SPTLC3: variants seen among roughly 807,000 people sequenced by gnomAD.
The protein encoded by SPTLC3 is serine palmitoyltransferase 3.
Under a neutral mutation model 59.3 loss-of-function variants are expected in SPTLC3, and 36 were observed. The ratio of observed to expected loss-of-function variants is 0.61; its 90% CI spans 0.47 to 0.80. SPTLC3 has a LOEUF of 0.80. Ranked by LOEUF, SPTLC3 falls within the 30% of genes least tolerant of loss-of-function variation. The probability of loss-of-function intolerance (pLI) is 0.00; values close to 1 mark genes in which losing one functional copy is unlikely to be tolerated. For synonymous variants in SPTLC3, 257 were observed against 240.8 expected (o/e 1.07, Z -0.62); for missense variants, 625 against 685.1 (o/e 0.91, Z 0.98).
chr20:13,139,825 G>A (rs568274775), intron 9 of SPTLC3, among the ~76,000 whole-genome samples: 10 of 152,086 alleles, frequency 6.6e-5, no homozygotes, highest in South Asian at 6.2e-4. Context: ...CTCTTGACCC[G>A]GAATAGAATA....
chr20:13,136,176 G>T (rs901043916), intron 9 of SPTLC3, among the ~76,000 whole-genome samples: 1 of 152,074 alleles, frequency 6.6e-6, no homozygotes, highest in Non-Finnish European at 1.5e-5. Context: ...GGAGTTTCTG[G>T]GTGGTAAGGC....
chr20:13,029,855 A>T (rs1314297016), intron 1 of SPTLC3, among the ~76,000 whole-genome samples: 2 of 152,136 alleles, frequency 1.3e-5, no homozygotes, highest in Admixed American at 6.5e-5. Context: ...CCTAATAAAC[A>T]CACAGAGAAG....
intron 4 of SPTLC3, among the ~76,000 whole-genome samples, chr20:13,083,587 C>A (rs1349876955): frequency 6.6e-6 from 1 of 152,108 alleles, no homozygotes; most frequent in East Asian, 1.9e-4. Flanking sequence ...ATGCCAAAGT[C>A]CAGAAAGTCT....
chr20:13,102,003 T>A (rs1250445614), intron 6 of SPTLC3, among the ~76,000 whole-genome samples: 1 of 152,062 alleles, frequency 6.6e-6, no homozygotes, highest in African/African-American at 2.4e-5. Flanking sequence ...GGTCAAGAAT[T>A]TGGAGTAGTT....
chr20:13,037,711 T>C (rs1986797098), intron 1 of SPTLC3, among the ~76,000 whole-genome samples: 1 of 152,146 alleles, frequency 6.6e-6, no homozygotes, highest in African/African-American at 2.4e-5. Context: ...TGCGGAAATA[T>C]TTTAGATGGG....
At position 13,167,170 on chromosome 20, in the gene SPTLC3, TAGG is replaced by T. The variant is rs2123026249; in HGVS notation, c.*2307_*2309del. 6.6e-6 allele frequency: 1 copy of T among 152,292 alleles called. No homozygotes were observed. The highest frequency in any genetic ancestry group is 6.5e-5 in the Admixed American group (1 of 15,302). 9.4% of individuals were successfully genotyped at this position (152,292 alleles called of 1,614,324 possible). A position where few individuals can be genotyped will look rare whatever the true frequency, so the allele number is the denominator to read the frequency against. ...ATATGTCATATAGAATAAGGTTAAT[TAGG>T]AGGGTGATTGTGAATAATGAGATTT... On this transcript the variant is annotated 3_prime_UTR_variant, in exon 12 of 12. Coordinates refer to ENST00000399002, the MANE Select transcript of SPTLC3 (RefSeq NM_018327.4).
chr20:13,118,380 G>C (rs1990691881), intron 8 of SPTLC3, among the ~76,000 whole-genome samples: 1 of 147,938 alleles, frequency 6.8e-6, no homozygotes, highest in East Asian at 2.1e-4. Context: ...ATTCTGATCT[G>C]CTGGGATTAG....
chr20:13,049,109 T>C lies in SPTLC3; in HGVS notation c.282T>C (p.Ala94=), dbSNP rs1987358368. 2 of 1,613,742 alleles carry C rather than the reference T, an allele frequency of 1.2e-6. No homozygotes were observed. The highest frequency in any genetic ancestry group is 1.7e-6 in the Non-Finnish European group (2 of 1,179,822). The stretch of plus-strand genomic sequence containing the variant: ...GGGGAATAGAAAAATGCAACGCAGC[T>C]GTGGAAAGAAAAGAACAAAAAGTAC... ...RNWGIEKCNA[A]VERKEQKDFV... The change falls in exon 2 of 12, where the codon GCT becomes GCC. Residue 94 remains alanine (A), a synonymous_variant. Transcript: ENST00000399002.
intron 2 of SPTLC3, among the ~76,000 whole-genome samples, chr20:13,059,562 CTT>C (rs2122531216): frequency 6.6e-6 from 1 of 152,310 alleles, no homozygotes; most frequent in South Asian, 2.1e-4. Flanking sequence ...GAAAGATGGT[CTT>C]AGCCCATCTG....
At chr20:13,139,299 A>G (rs1035297848) in intron 9 of SPTLC3, among the ~76,000 whole-genome samples, 3 of 152,220 alleles carry the variant, frequency 2.0e-5, no homozygotes, top group Non-Finnish European at 4.4e-5. Flanking sequence ...AATTTTCCAT[A>G]GTATCCTTCT....
chr20:13,034,503 T>A (rs6134750), intron 1 of SPTLC3, among the ~76,000 whole-genome samples: 1 of 152,180 alleles, frequency 6.6e-6, no homozygotes. Context: ...CTCCTGATGG[T>A]GTCCCATAAT....
chr20:13,053,729 A>T (rs574660357), intron 2 of SPTLC3, among the ~76,000 whole-genome samples: 1 of 152,158 alleles, frequency 6.6e-6, no homozygotes, highest in Admixed American at 6.5e-5. Flanking sequence ...CAGCACAAAA[A>T]CTTCGTGAAG....
At chr20:13,025,523 T>C (rs1259212214) in intron 1 of SPTLC3, among the ~76,000 whole-genome samples, 2 of 152,096 alleles carry the variant, frequency 1.3e-5, no homozygotes, top group Non-Finnish European at 2.9e-5. Context: ...GCCTACCCTA[T>C]TGGATGGTGG....
chr20:13,027,675 ACACACG>A (rs1986225006), intron 1 of SPTLC3, among the ~76,000 whole-genome samples: 1 of 143,128 alleles, frequency 7.0e-6, no homozygotes, highest in East Asian at 2.1e-4. Context: ...ACACACACAC[ACACACG>A]CAAAAGTGTC....
chr20:13,143,523 T>C (rs1488237147), intron 9 of SPTLC3, among the ~76,000 whole-genome samples: 1 of 152,146 alleles, frequency 6.6e-6, no homozygotes, highest in African/African-American at 2.4e-5. Flanking sequence ...CCCAAGATGG[T>C]AGAGTTTACT....
At chr20:13,012,465 T>C (rs1029372044) in intron 1 of SPTLC3, among the ~76,000 whole-genome samples, 4 of 152,210 alleles carry the variant, frequency 2.6e-5, no homozygotes, top group Admixed American at 6.5e-5. Flanking sequence ...AGGAGAAAGC[T>C]TATATCAACA....
chr20:13,033,540 A>C (rs1986596264), intron 1 of SPTLC3, among the ~76,000 whole-genome samples: 1 of 152,192 alleles, frequency 6.6e-6, no homozygotes, highest in African/African-American at 2.4e-5. Context: ...CGTTGCTCAG[A>C]ACTCAGTCTT....
intron 2 of SPTLC3, among the ~76,000 whole-genome samples, chr20:13,064,040 C>CT (rs201810253): frequency 0.02 from 2,639 of 134,092 alleles, 71 homozygotes; most frequent in African/African-American, 0.067. Flanking sequence ...TCTTTTTCTT[C>CT]TTTTTTTTTG....
At chr20:13,079,307 G>A (rs1481149992) in intron 4 of SPTLC3, among the ~76,000 whole-genome samples, 36 of 152,156 alleles carry the variant, frequency 2.4e-4, no homozygotes, top group Admixed American at 2.2e-3. Flanking sequence ...ATTTGTATAC[G>A]ATAAGAAGAG....
Sources: gnomAD v4.1 joint callset for allele counts (sites outside exome capture counted in the v4.1 genomes callset) on GRCh38, gnomAD v4.1.1 for gene constraint, MANE v1.5 for transcripts, NCBI Gene and HGNC (gene_info 2026-07-23, HGNC 2026-07-21) for gene names.